RBMS1: variants seen among roughly 807,000 people sequenced by gnomAD.
The protein encoded by RBMS1 is RNA binding motif single stranded interacting protein 1.
RBMS1 carries 17 observed loss-of-function variants against 62.3 expected under a neutral mutation model. The ratio of observed to expected loss-of-function variants is 0.27; its 90% confidence interval spans 0.19 to 0.41. RBMS1 has a LOEUF of 0.41. Among genes scored for constraint, RBMS1 ranks in the 10% least tolerant of loss-of-function variants. The pLI, the probability that RBMS1 is intolerant of heterozygous loss-of-function variation, is 1.00. For missense variants in RBMS1, 334 were observed against 504.5 expected, an observed-to-expected ratio of 0.66 and a Z score of 3.24; for synonymous variants, 172 against 170.0, an observed-to-expected ratio of 1.01 and a Z score of -0.09.
chr2:160,445,979 T>G (rs1336327816), intron 1 of RBMS1, among the ~76,000 whole-genome samples: 1 of 151,600 alleles, frequency 6.6e-6, no homozygotes, highest in Non-Finnish European at 1.5e-5. Flanking sequence ...CTGGATTAAA[T>G]GCATATCCAT....
chr2:160,407,915 G>C, intron 1 of RBMS1: 1 of 980,528 alleles, frequency 1.0e-6, no homozygotes, highest in African/African-American at 1.8e-5. Context: ...AGAGCGCGCC[G>C]GCCGGGGGCG....
chr2:160,488,577 AAAAT>A (rs1370926735), intron 1 of RBMS1, among the ~76,000 whole-genome samples: 1 of 152,188 alleles, frequency 6.6e-6, no homozygotes, highest in African/African-American at 2.4e-5. Context: ...CTCCATCTCA[AAAAT>A]AAATAAATAA....
At chr2:160,381,836 T>G (rs1694300076) in intron 1 of RBMS1, among the ~76,000 whole-genome samples, 1 of 152,218 alleles carries the variant, frequency 6.6e-6, no homozygotes, top group Non-Finnish European at 1.5e-5. Context: ...GACACGGCCT[T>G]CCTTCCTTCC....
intron 1 of RBMS1, among the ~76,000 whole-genome samples, chr2:160,476,476 A>T (rs1685132453): frequency 6.6e-6 from 1 of 152,038 alleles, no homozygotes; most frequent in Non-Finnish European, 1.5e-5. Flanking sequence ...TATGGATTCA[A>T]TTCAATAAAC....
At chr2:160,427,555 ATTT>A (rs1265686854) in intron 1 of RBMS1, among the ~76,000 whole-genome samples, 14 of 79,562 alleles carry the variant, frequency 1.8e-4, no homozygotes, top group Non-Finnish European at 3.1e-4. Flanking sequence ...ATACATAGAG[ATTT>A]CATATAGATC....
intron 1 of RBMS1, among the ~76,000 whole-genome samples, chr2:160,403,939 A>C (rs1436394116): frequency 1.3e-5 from 2 of 152,260 alleles, no homozygotes; most frequent in Non-Finnish European, 2.9e-5. Context: ...TCTATATCTA[A>C]AAGCCTTTGA....
intron 2 of RBMS1, among the ~76,000 whole-genome samples, chr2:160,329,400 G>A (rs773129283): frequency 1.2e-4 from 18 of 152,132 alleles, no homozygotes; most frequent in Non-Finnish European, 2.5e-4. Flanking sequence ...CTGTAAGAGC[G>A]GATCTGATGG....
Position 160,311,220 on chromosome 2 carries a change from C to CATATATATA in RBMS1, c.402+1935_402+1936insTATATATAT, listed in dbSNP as rs1689846208. 4.7e-5 allele frequency among the ~76,000 whole-genome samples: 4 copies of CATATATATA among 84,986 alleles called. No homozygotes were observed. The Admixed American group carries it at 6.1e-4, about 13-fold the overall frequency. The allele number at this position is 84,986 out of a possible 152,430, so 55.8% of individuals were successfully genotyped here. On this transcript the variant is annotated intron_variant, in intron 4 of 13. Transcript: ENST00000348849. ...CAAAAAAAAAAAAAAATCTATCTATCTATCTATCTATCTATATATATATAT... is the reference window on the plus strand; with the variant it reads ...CAAAAAAAAAAAAAAATCTATCTATCATATATATATATCTATCTATCTATATATATATAT...
chr2:160,421,484 T>G (rs1243914166), intron 1 of RBMS1, among the ~76,000 whole-genome samples: 1 of 152,208 alleles, frequency 6.6e-6, no homozygotes, highest in Non-Finnish European at 1.5e-5. Context: ...AACTCATCCT[T>G]TTTTATGGCT....
intron 1 of RBMS1, among the ~76,000 whole-genome samples, chr2:160,473,935 C>T (rs1345205398): frequency 6.6e-6 from 1 of 151,972 alleles, no homozygotes; most frequent in Non-Finnish European, 1.5e-5. Flanking sequence ...GTAGTGTTTA[C>T]CTGGTTACTA....
At chr2:160,281,416 C>A in intron 9 of RBMS1, 52 bp from the exon 10 acceptor site, 1 of 1,414,228 alleles carries the variant, frequency 7.1e-7, no homozygotes, top group Admixed American at 1.8e-5. Flanking sequence ...GTAAAGCTTA[C>A]CTATTTCTTT....
intron 1 of RBMS1, among the ~76,000 whole-genome samples, chr2:160,403,563 T>C (rs992008343): frequency 1.3e-5 from 2 of 152,220 alleles, no homozygotes; most frequent in Non-Finnish European, 2.9e-5. Flanking sequence ...CAGTAAACTA[T>C]GTAAATCTAC....
chr2:160,436,319 C>T (rs10929986), intron 1 of RBMS1, among the ~76,000 whole-genome samples: 144,853 of 152,286 alleles, frequency 0.95, 69,077 homozygotes, highest in East Asian at 1. Flanking sequence ...ACCACTGACC[C>T]GTGAGAAAGG....
intron 1 of RBMS1, among the ~76,000 whole-genome samples, chr2:160,476,551 CTTTTTTTTTT>C (rs755429434): frequency 3.6e-5 from 4 of 111,276 alleles, no homozygotes; most frequent in Admixed American, 9.8e-5. Context: ...AAACACACTT[CTTTTTTTTTT>C]TTTTTTTTTT....
At chr2:160,311,248 A>ATATATATATATATATG (rs1689892288) in intron 4 of RBMS1, among the ~76,000 whole-genome samples, 2 of 105,358 alleles carry the variant, frequency 1.9e-5, no homozygotes, top group Non-Finnish European at 4.4e-5. Flanking sequence ...ATATATATAT[A>ATATATATATATATATG]TATATATATA....
At chr2:160,451,131 TG>T (rs1351174511) in intron 1 of RBMS1, among the ~76,000 whole-genome samples, 1 of 147,642 alleles carries the variant, frequency 6.8e-6, no homozygotes, top group East Asian at 1.9e-4. Flanking sequence ...TATTCCAGCC[TG>T]GGTGACAGAG....
intron 1 of RBMS1, among the ~76,000 whole-genome samples, chr2:160,407,240 C>G (rs1695778270): frequency 6.6e-6 from 1 of 150,524 alleles, no homozygotes; most frequent in South Asian, 2.1e-4. Context: ...CCGCTCCTGC[C>G]CCTGCCCCTT....
rs1695797209 is a variant in RBMS1, at chr2:160,407,421, G to T, written c.76-40030C>A. 3.0e-6 allele frequency: 3 copies of T among 985,860 alleles called. No individual in the cohort carries two copies. The South Asian group carries it at 1.4e-4, about 46-fold the overall frequency. The allele number at this position is 985,860 out of a possible 1,614,324, so 61.1% of individuals were successfully genotyped here. ...CTGAGCGCGGCCCCCTTTGTAACGC[G>T]GGGCTCGCCGACCTCGGCGCGGCAT... On this transcript the variant is annotated intron_variant, in intron 1 of 13. Transcript: ENST00000348849.
intron 2 of RBMS1, among the ~76,000 whole-genome samples, chr2:160,338,800 T>G (rs985115172): frequency 1.5e-4 from 23 of 152,166 alleles, no homozygotes; most frequent in African/African-American, 4.6e-4. Context: ...AGACAGGGTG[T>G]GCACAGAGGA....
Sources: allele counts gnomAD v4.1 joint callset (sites outside exome capture counted in the v4.1 genomes callset), GRCh38; gene constraint gnomAD v4.1.1; transcripts MANE v1.5; gene names NCBI Gene and HGNC (gene_info 2026-07-23, HGNC 2026-07-21).